Variants in DTWD1 observed in about 807,000 individuals in gnomAD.
The protein encoded by DTWD1 is DTW motif tRNA-uridine aminocarboxypropyltransferase 1, also known as tRNA-uridine aminocarboxypropyltransferase 1.
A neutral mutation model predicts 30.2 loss-of-function variants in DTWD1; 27 were observed. The observed-to-expected ratio is 0.90, with a 90% CI of 0.66 to 1.23. The LOEUF is 1.23. DTWD1 is among the 50% of genes most tolerant of loss of function. DTWD1 has a pLI of 0.00. For synonymous variants in DTWD1, 99 were observed against 113.1 expected, an observed-to-expected ratio of 0.88 and a Z score of 0.79; for missense variants, 342 against 348.8, an observed-to-expected ratio of 0.98 and a Z score of 0.15.
rs1387912203 is a variant in DTWD1 at position 49,645,367 on chromosome 15, A to G, written c.*1789A>G. On this transcript the variant is annotated 3_prime_UTR_variant, in exon 5 of 5. Transcript: ENST00000403028. ...GGTTTGGTTCAGTAAGGTCACCATT[A>G]TATTATGCTATTCATAAAAAGGAAT... 1 of 152,174 alleles carries G rather than the reference A, an allele frequency of 6.6e-6. No homozygotes were observed. Among genetic ancestry groups the G allele is most frequent in the African/African-American group, 2.4e-5 (1 of 41,444 alleles). 9.4% of individuals were successfully genotyped at this position (152,174 alleles called of 1,614,324 possible).
intron 2 of DTWD1, 138 bp downstream of exon 2, chr15:49,625,569 A>T: frequency 2.1e-6 from 2 of 961,046 alleles, no homozygotes; most frequent in Admixed American, 3.0e-5. Flanking sequence ...GCAAAGAAAA[A>T]CTAGCACTTA....
At chr15:49,621,572 A>G (rs990575302) in intron 1 of DTWD1, among the ~76,000 whole-genome samples, 1 of 152,200 alleles carries the variant, frequency 6.6e-6, no homozygotes, top group African/African-American at 2.4e-5. Context: ...GGTTGTGGTT[A>G]CATAATAAGC....
chr15:49,629,238 G>A (rs1311365669), intron 2 of DTWD1, among the ~76,000 whole-genome samples: 1 of 152,150 alleles, frequency 6.6e-6, no homozygotes, highest in Non-Finnish European at 1.5e-5. Context: ...GTTTTATGAT[G>A]TGAGAGATCT....
At position 49,643,546 on chromosome 15, in the gene DTWD1, GGAGATAAGGAAA is replaced by G. The variant is rs747407548; in HGVS notation, c.884_895del (p.Gly295_Thr299delinsAla). ...GTTGATAAAGAATGCCAAATGCTCT[GGAGATAAGGAAA>G]CAGGAAAACTTACACATTAGTTTTT... is the stretch of plus-strand genomic sequence containing the variant. On this transcript the variant is annotated inframe_deletion, in exon 5 of 5. Transcript: ENST00000403028. The G allele has an allele frequency of 2.5e-6, 4 of 1,598,752 alleles. No homozygotes were observed. Among genetic ancestry groups the G allele is most frequent in the Non-Finnish European group, 3.4e-6 (4 of 1,174,874 alleles).
chr15:49,622,823 G>T (rs117271314), intron 1 of DTWD1, among the ~76,000 whole-genome samples: 1 of 152,174 alleles, frequency 6.6e-6, no homozygotes, highest in African/African-American at 2.4e-5. Context: ...TCAGCCATAA[G>T]TGAGAGTATA....
chr15:49,643,247 T>C (rs2079085762), intron 4 of DTWD1, 84 bp from the exon 5 acceptor site: 1 of 1,359,848 alleles, frequency 7.4e-7, no homozygotes, highest in South Asian at 1.7e-5. Flanking sequence ...GAGAAATCAT[T>C]ATTATTGTAC....
chr15:49,625,187 T>C lies in DTWD1; in HGVS notation c.20T>C (p.Ile7Thr), dbSNP rs776321906. 3 of 1,613,336 alleles carry C rather than the reference T, an allele frequency of 1.9e-6. No homozygotes were observed. Among genetic ancestry groups the C allele is most frequent in the Admixed American group, 1.7e-5 (1 of 59,946 alleles). The part of the protein sequence containing the change: MSLNPP[I>T]FLKRSEENSS... ...TGAAGAATGTCTCTCAATCCACCTATATTTCTCAAACGAAGTGAAGAAAAT... is the reference window on the plus strand; with the variant it reads ...TGAAGAATGTCTCTCAATCCACCTACATTTCTCAAACGAAGTGAAGAAAAT... Residue 7 changes from isoleucine (I) to threonine (T), a missense_variant, in exon 2 of 5, where the codon ATA becomes ACA. Transcript: ENST00000403028.
At position 49,649,325 on chromosome 15, in the gene DTWD1, A is replaced by G. The variant is rs1306664263; in HGVS notation, c.*5747A>G. On this transcript the variant is annotated 3_prime_UTR_variant, in exon 5 of 5. Coordinates refer to ENST00000403028, the MANE Select transcript of DTWD1 (RefSeq NM_001144955.2). ...AAGTATGAATATAGTATAAAGACACAGAAGGTCTCAAAGGTATTACCTCCC... is the reference window on the plus strand; with the variant it reads ...AAGTATGAATATAGTATAAAGACACGGAAGGTCTCAAAGGTATTACCTCCC... 6.6e-6 allele frequency: 1 copy of G among 152,198 alleles called. No individual in the cohort carries two copies. Among genetic ancestry groups the G allele is most frequent in the African/African-American group, 2.4e-5 (1 of 41,454 alleles). 9.4% of individuals were successfully genotyped at this position (152,198 alleles called of 1,614,324 possible). A position where few individuals can be genotyped will look rare whatever the true frequency, so the allele number is the denominator to read the frequency against.
At chr15:49,626,686 T>C (rs2153351446) in intron 2 of DTWD1, 1 of 381,372 alleles carries the variant, frequency 2.6e-6, no homozygotes, top group South Asian at 1.9e-5. Context: ...ATTTTAAAGT[T>C]CATTTGAATT....
At chr15:49,632,365 G>T in intron 3 of DTWD1, 63 bp downstream of exon 3, 1 of 1,463,372 alleles carries the variant, frequency 6.8e-7, no homozygotes, top group South Asian at 1.3e-5. Flanking sequence ...AACCTCCATT[G>T]CCTTTCTGAA....
Position 49,643,448 on chromosome 15 carries a change from A to G in DTWD1, c.785A>G (p.His262Arg). The G allele has an allele frequency of 1.2e-6, 2 of 1,609,962 alleles. No homozygotes were observed. Among genetic ancestry groups the G allele is most frequent in the South Asian group, 2.2e-5 (2 of 90,280 alleles). ...EAIYYFLVDYHTDILKEKYRG... is the reference protein window; with the variant it reads ...EAIYYFLVDYRTDILKEKYRG... ...ATTTACTACTTTCTGGTAGACTACC[A>G]TACTGATATATTAAAAGAGAAATAC... Residue 262 changes from histidine (H) to arginine (R), a missense_variant, in exon 5 of 5, where the codon CAT becomes CGT. By Grantham distance (29) the His-to-Arg change is conservative. Transcript: ENST00000403028.
chr15:49,655,481 A>G lies in DTWD1; in HGVS notation c.*11903A>G, dbSNP rs1429488531. 2 of 152,028 alleles carry G rather than the reference A, an allele frequency of 1.3e-5. No homozygotes were observed. Among genetic ancestry groups the G allele is most frequent in the South Asian group, 2.1e-4 (1 of 4,812 alleles). 9.4% of individuals were successfully genotyped at this position (152,028 alleles called of 1,614,324 possible). A position where few individuals can be genotyped will look rare whatever the true frequency, so the allele number is the denominator to read the frequency against. On this transcript the variant is annotated 3_prime_UTR_variant, in exon 5 of 5. Transcript: ENST00000403028. ...GTCCATGCTGGTGGTATCCTCATCA[A>G]TGCAATTTTCTTTAAAACTCTGTGA...
rs202157490 is a variant in DTWD1, at chr15:49,643,411, A to G, written c.748A>G (p.Thr250Ala). 3 of 1,597,792 alleles carry G rather than the reference A, an allele frequency of 1.9e-6. No individual in the cohort carries two copies. Among genetic ancestry groups the G allele is most frequent in the Non-Finnish European group, 1.7e-6 (2 of 1,175,396 alleles). The change falls in exon 5 of 5, where the codon ACA (threonine) becomes GCA (alanine). Residue 250 changes from threonine to alanine, a missense_variant. By Grantham distance (58) the Thr-to-Ala change is moderately conservative. Coordinates refer to ENST00000403028, the MANE Select transcript of DTWD1 (RefSeq NM_001144955.2). ...QKGKPDTFLS[T>A]IEAIYYFLVD... ...AGGAAAGCCAGATACTTTCCTTTCT[A>G]CAATTGAAGCCATTTACTACTTTCT...
intron 4 of DTWD1, among the ~76,000 whole-genome samples, chr15:49,638,786 C>A (rs1055982935): frequency 6.6e-6 from 1 of 152,084 alleles, no homozygotes; most frequent in African/African-American, 2.4e-5. Context: ...AGAAAAATAG[C>A]TCTGTGTGTT....
chr15:49,626,492 A>G (rs2153351425), intron 2 of DTWD1, among the ~76,000 whole-genome samples: 1 of 152,292 alleles, frequency 6.6e-6, no homozygotes, highest in Admixed American at 6.5e-5. Context: ...CTACATAATC[A>G]AAGAATTTAT....
Position 49,654,318 on chromosome 15 carries a change from G to C in DTWD1, c.*10740G>C, listed in dbSNP as rs556310452. On this transcript the variant is annotated 3_prime_UTR_variant, in exon 5 of 5. Coordinates refer to ENST00000403028, the MANE Select transcript of DTWD1 (RefSeq NM_001144955.2). ...CCGGGGGCAGACTGTGATAGTTTTTGAAGATGTCCCTCAAACAATTCCTTC... is the reference window on the plus strand; with the variant it reads ...CCGGGGGCAGACTGTGATAGTTTTTCAAGATGTCCCTCAAACAATTCCTTC... The C allele has an allele frequency of 6.6e-6, 1 of 152,194 alleles. No homozygotes were observed. The highest frequency in any genetic ancestry group is 2.1e-4 in the South Asian group (1 of 4,820). 9.4% of individuals were successfully genotyped at this position (152,194 alleles called of 1,614,324 possible). A position where few individuals can be genotyped will look rare whatever the true frequency, so the allele number is the denominator to read the frequency against.
rs539419389 is a variant in DTWD1 at position 49,632,301 on chromosome 15, A to T, written c.407A>T (p.Glu136Val). The T allele has an allele frequency of 6.3e-7, 1 of 1,576,786 alleles. No individual in the cohort carries two copies. The highest frequency in any genetic ancestry group is 2.2e-5 in the Admixed American group (1 of 46,400). Reference protein sequence around the residue: ...CIPEYEEKDHEVALIFPGPQS... With the variant: ...CIPEYEEKDHVVALIFPGPQS... ...CCAGAATATGAAGAAAAGGACCATG[A>T]AGTAGGCAACTTAGTTTTTATAACT... The change falls in exon 3 of 5, where the codon GAA becomes GTA. Residue 136 changes from glutamate to valine, a missense_variant and splice_region_variant. By Grantham distance (121) the Glu-to-Val change is moderately radical. Transcript: ENST00000403028.
intron 2 of DTWD1, chr15:49,625,646 A>G: frequency 2.0e-6 from 1 of 512,302 alleles, no homozygotes. Flanking sequence ...TCGCAAGAGC[A>G]CACCGAACAA....
Position 49,634,894 on chromosome 15 carries a change from C to T in DTWD1, c.667+100C>T. 2.6e-6 allele frequency: 3 copies of T among 1,140,610 alleles called. 1 individual carries two copies. Among genetic ancestry groups the T allele is most frequent in the South Asian group, 3.9e-5 (2 of 51,452 alleles). 70.7% of individuals were successfully genotyped at this position (1,140,610 alleles called of 1,614,324 possible). On this transcript the variant is annotated intron_variant, in intron 4 of 4. Transcript: ENST00000403028. ...TTGAAAGAGGAGTTACACTGAATAC[C>T]TATACATTTTGCCATATTTACTTTA...
Sources: allele counts gnomAD v4.1 joint callset (sites outside exome capture counted in the v4.1 genomes callset), GRCh38; gene constraint gnomAD v4.1.1; transcripts MANE v1.5; gene names NCBI Gene and HGNC (gene_info 2026-07-23, HGNC 2026-07-21).